AK3: variants seen among roughly 807,000 people sequenced by gnomAD.
AK3 encodes the protein adenylate kinase 3.
Under a neutral mutation model 23.7 loss-of-function variants are expected in AK3, and 27 were observed. That is an observed-to-expected ratio of 1.14 (90% CI 0.84 to 1.57). The LOEUF (loss-of-function observed/expected upper bound fraction) is 1.57. Among genes scored for constraint, AK3 ranks in the 40% most tolerant of loss-of-function variants. The pLI is 0.00. For missense variants in AK3, 406 were observed against 285.6 expected, an observed-to-expected ratio of 1.42 and a Z score of -3.04; for synonymous variants, 159 against 116.0, an observed-to-expected ratio of 1.37 and a Z score of -2.38.
intron 1 of AK3, among the ~76,000 whole-genome samples, chr9:4,739,828 G>A (rs1376197886): frequency 2.6e-5 from 4 of 152,038 alleles, no homozygotes. Flanking sequence ...CTACTAGGGA[G>A]GCTGAGACAG....
At chr9:4,741,303 A>AC (rs1166108914), upstream of AK3, 2 of 426,614 alleles carry the variant, frequency 4.7e-6, no homozygotes, top group Non-Finnish European at 7.8e-6. Context: ...ACCCCGGCGC[A>AC]CCCCCCGCCC....
rs1841610564 is a variant in AK3, at chr9:4,713,204, G to A, written c.564-108C>T. On this transcript the variant is annotated intron_variant, in intron 4 of 4. Coordinates refer to ENST00000381809, the MANE Select transcript of AK3 (RefSeq NM_016282.4). Reference sequence around the variant, plus strand: ...TGATATTGTAGATATAGGAGTCTTGGTAAGTATAGATTTGTGTAATCAGGA... The same window carrying A: ...TGATATTGTAGATATAGGAGTCTTGATAAGTATAGATTTGTGTAATCAGGA... The A allele has an allele frequency of 4.3e-6, 6 of 1,409,528 alleles. No individual in the cohort carries two copies. In the South Asian group the frequency reaches 6.0e-5, roughly 14 times the overall value. The allele number at this position is 1,409,528 out of a possible 1,614,324, so 87.3% of individuals were successfully genotyped here.
Position 4,735,893 on chromosome 9 carries a change from T to C in AK3, c.151+5044A>G, listed in dbSNP as rs982609248. 9.2e-5 allele frequency among the ~76,000 whole-genome samples: 14 copies of C among 152,048 alleles called. No individual in the cohort carries two copies. In the South Asian group the frequency reaches 2.7e-3, roughly 29 times the overall value. Reference sequence around the variant, plus strand: ...ACTTTGAGAAGCCGAGGTGGGTGGATCACTTGAGGTAGGAAGTTCGAGACC... The same window carrying C: ...ACTTTGAGAAGCCGAGGTGGGTGGACCACTTGAGGTAGGAAGTTCGAGACC... On this transcript the variant is annotated intron_variant, in intron 1 of 4. Transcript: ENST00000381809.
chr9:4,725,380 T>G (rs12377935), intron 1 of AK3, among the ~76,000 whole-genome samples: 4 of 151,950 alleles, frequency 2.6e-5, no homozygotes, highest in African/African-American at 9.7e-5. Flanking sequence ...CAATGGTTTC[T>G]AGATAAAAAA....
chr9:4,728,866 T>TACACACACACACAC (rs57364192), intron 1 of AK3, among the ~76,000 whole-genome samples: 13 of 87,876 alleles, frequency 1.5e-4, no homozygotes, highest in African/African-American at 4.1e-4. Flanking sequence ...TATATATATA[T>TACACACACACACAC]ACACACACAC....
intron 4 of AK3, among the ~76,000 whole-genome samples, chr9:4,718,078 A>G (rs1841785505): frequency 6.6e-6 from 1 of 152,202 alleles, no homozygotes; most frequent in Admixed American, 6.5e-5. Context: ...CTGGGCTTCT[A>G]TTCACTGGAG....
chr9:4,718,637 G>T, intron 3 of AK3, 100 bp from the exon 4 acceptor site: 1 of 894,162 alleles, frequency 1.1e-6, no homozygotes, highest in Non-Finnish European at 1.7e-6. Context: ...CTGTGCAAGT[G>T]CCAAGCACAA....
intron 4 of AK3, among the ~76,000 whole-genome samples, chr9:4,715,947 A>C (rs896426046): frequency 6.6e-6 from 1 of 152,132 alleles, no homozygotes; most frequent in African/African-American, 2.4e-5. Context: ...TGCCGACCCC[A>C]AGACTTTTGC....
At chr9:4,730,755 T>A (rs1028989381) in intron 1 of AK3, among the ~76,000 whole-genome samples, 1 of 152,350 alleles carries the variant, frequency 6.6e-6, no homozygotes, top group Non-Finnish European at 1.5e-5. Context: ...GACATTGAGA[T>A]TAGATTGATA....
intron 2 of AK3, 62 bp downstream of exon 2, chr9:4,722,444 C>T (rs1052394727): frequency 5.0e-6 from 8 of 1,609,626 alleles, no homozygotes; most frequent in Non-Finnish European, 6.8e-6. Flanking sequence ...CCATGAAATG[C>T]TCATTCTCCT....
Position 4,710,418 on chromosome 9 carries a change from A to C in AK3, c.*2558T>G, listed in dbSNP as rs1371061358. 1.4e-5 allele frequency: 2 copies of C among 138,442 alleles called. No individual in the cohort carries two copies. The highest frequency in any genetic ancestry group is 3.2e-5 in the Non-Finnish European group (2 of 63,014). 8.6% of individuals were successfully genotyped at this position (138,442 alleles called of 1,614,324 possible). A position where few individuals can be genotyped will look rare whatever the true frequency, so the allele number is the denominator to read the frequency against. Reference sequence around the variant, plus strand: ...GTATTTTTAGTAGAGACGGGGTTTCACCGTGTTAGCCAGGATGGTCTCGAT... The same window carrying C: ...GTATTTTTAGTAGAGACGGGGTTTCCCCGTGTTAGCCAGGATGGTCTCGAT... On this transcript the variant is annotated 3_prime_UTR_variant, in exon 5 of 5. Transcript: ENST00000381809.
chr9:4,729,825 G>A lies in AK3; in HGVS notation c.152-7200C>T, dbSNP rs943053771. Among the ~76,000 whole-genome samples the A allele has an allele frequency of 3.7e-5, 5 of 135,298 alleles. 1 individual carries two copies. Among genetic ancestry groups the A allele is most frequent in the African/African-American group, 5.3e-5 (2 of 37,746 alleles). 88.8% of individuals were successfully genotyped at this position (135,298 alleles called of 152,430 possible). ...CAGCCTTGGTGACAGAGAAGAGACT[G>A]TGTCTCTTAAAAAAAAAAAAAAAAG... On this transcript the variant is annotated intron_variant, in intron 1 of 4. Transcript: ENST00000381809.
intron 1 of AK3, among the ~76,000 whole-genome samples, chr9:4,739,882 C>G (rs776695185): frequency 5.9e-5 from 9 of 151,754 alleles, no homozygotes; most frequent in Non-Finnish European, 1.2e-4. Flanking sequence ...AAGACTCCGT[C>G]TCAAAAAACA....
Position 4,731,812 on chromosome 9 carries a change from T to C in AK3, c.151+9125A>G, listed in dbSNP as rs369484572. Among the ~76,000 whole-genome samples, 19 of 152,302 alleles carry C rather than the reference T, an allele frequency of 1.2e-4. 1 individual carries two copies. The highest frequency in any genetic ancestry group is 4.6e-4 in the African/African-American group (19 of 41,576). On this transcript the variant is annotated intron_variant, in intron 1 of 4. Transcript: ENST00000381809. ...AACATGGATTTGAACCGCATGGGTC[T>C]ACCTCTGCCTCTGCCACTCTTAGGC...
At chr9:4,739,747 C>G (rs1044096179) in intron 1 of AK3, among the ~76,000 whole-genome samples, 4 of 151,882 alleles carry the variant, frequency 2.6e-5, no homozygotes. Flanking sequence ...CTGGCTAACA[C>G]AGTGAAACCC....
intron 4 of AK3, among the ~76,000 whole-genome samples, chr9:4,717,459 C>G (rs1326422625): frequency 6.6e-6 from 1 of 152,148 alleles, no homozygotes; most frequent in Non-Finnish European, 1.5e-5. Context: ...GATTAGCTGC[C>G]ATCTGAGATT....
At chr9:4,739,440 C>T (rs1053983370) in intron 1 of AK3, among the ~76,000 whole-genome samples, 3 of 150,914 alleles carry the variant, frequency 2.0e-5, no homozygotes, top group African/African-American at 7.3e-5. Flanking sequence ...GTGATCCGCC[C>T]GCCTTGACCT....
At chr9:4,736,779 A>G (rs406632) in intron 1 of AK3, among the ~76,000 whole-genome samples, 130,587 of 151,916 alleles carry the variant, frequency 0.86, 56,348 homozygotes, top group East Asian at 0.94. Flanking sequence ...CTGAGTTCAA[A>G]CAATCCTCTC....
chr9:4,715,261 A>C (rs888023252), intron 4 of AK3, among the ~76,000 whole-genome samples: 1 of 151,570 alleles, frequency 6.6e-6, no homozygotes, highest in African/African-American at 2.4e-5. Flanking sequence ...AAAAGAAAAG[A>C]AAAGCTTGAA....
Sources: allele counts gnomAD v4.1 joint callset (sites outside exome capture counted in the v4.1 genomes callset), GRCh38; gene constraint gnomAD v4.1.1; transcripts MANE v1.5; gene names NCBI Gene and HGNC (gene_info 2026-07-23, HGNC 2026-07-21).